The following PSD3 variants were observed in gnomAD, a reference collection of about 807,000 sequenced individuals.
PSD3 encodes the protein pleckstrin and Sec7 domain containing 3.
In PSD3, 49 loss-of-function variants were observed where a neutral mutation model predicts 105.5. That is an observed-to-expected ratio of 0.46 (90% CI 0.37 to 0.59). The LOEUF (loss-of-function observed/expected upper bound fraction) is 0.59. Among genes scored for constraint, PSD3 ranks in the 20% least tolerant of loss-of-function variants. PSD3 has a pLI of 0.00. For missense variants in PSD3, 1,561 were observed against 1,263.8 expected, an observed-to-expected ratio of 1.24 and a Z score of -3.57; for synonymous variants, 557 against 457.8, an observed-to-expected ratio of 1.22 and a Z score of -2.77.
chr8:18,544,174 A>AAAAAAAAAAAAAAAAAAAAAAC (rs1800316640), intron 15 of PSD3, among the ~76,000 whole-genome samples: 1 of 22,750 alleles, frequency 4.4e-5, no homozygotes, highest in African/African-American at 9.0e-5. Context: ...AACAAACCAA[A>AAAAAAAAAAAAAAAAAAAAAAC]AAAAAAAAAA....
chr8:18,818,432 C>T (rs1404348213), intron 4 of PSD3, among the ~76,000 whole-genome samples: 2 of 151,970 alleles, frequency 1.3e-5, no homozygotes, highest in Non-Finnish European at 2.9e-5. Context: ...ACCAAACTAC[C>T]TGTAAGGCGA....
intron 2 of PSD3, among the ~76,000 whole-genome samples, chr8:18,878,289 C>T (rs1450848693): frequency 6.6e-6 from 1 of 152,082 alleles, no homozygotes; most frequent in Non-Finnish European, 1.5e-5. Flanking sequence ...ATCTTATATC[C>T]TACAACCTTG....
chr8:18,563,240 T>C (rs1671758185), intron 14 of PSD3, among the ~76,000 whole-genome samples: 1 of 152,158 alleles, frequency 6.6e-6, no homozygotes, highest in Non-Finnish European at 1.5e-5. Flanking sequence ...CTCTCAGAAG[T>C]TGAGGGCCAA....
intron 4 of PSD3, among the ~76,000 whole-genome samples, chr8:18,812,370 T>C (rs577025838): frequency 2.4e-4 from 36 of 152,318 alleles, no homozygotes; most frequent in African/African-American, 8.7e-4. Context: ...TGGTTTTTAC[T>C]CCTAGTGAAA....
intron 9 of PSD3, among the ~76,000 whole-genome samples, chr8:18,712,727 T>G (rs1026587971): frequency 2.0e-5 from 3 of 152,160 alleles, no homozygotes; most frequent in African/African-American, 7.2e-5. Context: ...TAGTACCATT[T>G]CATGCGAAAC....
chr8:18,808,766 C>T, intron 4 of PSD3: 1 of 1,614,072 alleles, frequency 6.2e-7, no homozygotes. Flanking sequence ...AGCAACCATA[C>T]AGACACCAAG....
At chr8:18,762,806 C>A (rs1021125755) in intron 9 of PSD3, 2 of 627,342 alleles carry the variant, frequency 3.2e-6, no homozygotes, top group African/African-American at 3.9e-5. Flanking sequence ...CTTCTCATTT[C>A]TCACACATTT....
intron 1 of PSD3, among the ~76,000 whole-genome samples, chr8:19,051,110 T>C (rs1260802069): frequency 2.6e-4 from 39 of 152,148 alleles, no homozygotes; most frequent in Admixed American, 2.6e-3. Context: ...TCTGATCATG[T>C]CTCACCTCTG....
chr8:18,974,901 C>G (rs1586560878), intron 1 of PSD3, among the ~76,000 whole-genome samples: 1 of 151,362 alleles, frequency 6.6e-6, no homozygotes, highest in East Asian at 2.0e-4. Flanking sequence ...ACAAACAGGT[C>G]AAAGGGAAAA....
At chr8:18,961,111 A>C (rs1264408927) in intron 1 of PSD3, among the ~76,000 whole-genome samples, 1 of 151,806 alleles carries the variant, frequency 6.6e-6, no homozygotes, top group East Asian at 1.9e-4. Context: ...AAACAAACAA[A>C]AAGACTACTG....
At chr8:18,649,486 C>A (rs1023513365) in intron 10 of PSD3, among the ~76,000 whole-genome samples, 1 of 152,130 alleles carries the variant, frequency 6.6e-6, no homozygotes, top group Non-Finnish European at 1.5e-5. Flanking sequence ...ATCTTGGGAG[C>A]AACTAATTTG....
intron 9 of PSD3, among the ~76,000 whole-genome samples, chr8:18,669,654 G>A (rs1799669062): frequency 6.6e-6 from 1 of 152,132 alleles, no homozygotes; most frequent in Non-Finnish European, 1.5e-5. Flanking sequence ...GCACTACGCC[G>A]GATGGCATGA....
chr8:18,979,252 A>C (rs1432893837), intron 1 of PSD3, among the ~76,000 whole-genome samples: 10 of 152,006 alleles, frequency 6.6e-5, no homozygotes, highest in African/African-American at 2.2e-4. Context: ...AAGTATATCC[A>C]ACTAGACCCT....
chr8:18,741,722 C>T (rs1439245538), intron 9 of PSD3, among the ~76,000 whole-genome samples: 4 of 151,340 alleles, frequency 2.6e-5, no homozygotes, highest in Non-Finnish European at 1.5e-5. Context: ...ATGCCCTCTC[C>T]CACCTACTTT....
chr8:18,782,588 C>T (rs1051274242), intron 8 of PSD3, among the ~76,000 whole-genome samples: 4 of 152,164 alleles, frequency 2.6e-5, no homozygotes, highest in Admixed American at 6.5e-5. Flanking sequence ...TGCAGGATCT[C>T]GGTCAACACA....
At chr8:18,593,068 G>C (rs1055667114) in intron 12 of PSD3, among the ~76,000 whole-genome samples, 1 of 152,160 alleles carries the variant, frequency 6.6e-6, no homozygotes, top group South Asian at 2.1e-4. Context: ...CACGGGCAAG[G>C]ACTTCATGTC....
intron 2 of PSD3, among the ~76,000 whole-genome samples, chr8:18,914,017 G>A (rs1191675716): frequency 6.6e-6 from 1 of 151,966 alleles, no homozygotes; most frequent in Non-Finnish European, 1.5e-5. Context: ...AGTAAACCCA[G>A]GCTCCAGACT....
At chr8:18,964,464 C>CTT (rs34343222) in intron 1 of PSD3, among the ~76,000 whole-genome samples, 23 of 151,444 alleles carry the variant, frequency 1.5e-4, no homozygotes, top group Admixed American at 1.2e-3. Flanking sequence ...ACCTTAATGA[C>CTT]TTTTTTTTGC....
chr8:18,864,997 C>T (rs1816714959), intron 4 of PSD3: 1 of 151,556 alleles, frequency 6.6e-6, no homozygotes, highest in Non-Finnish European at 1.5e-5. Context: ...ACATTTAGAA[C>T]TTAGTTTCTT....
Sources: gnomAD v4.1 joint callset for allele counts (sites outside exome capture counted in the v4.1 genomes callset) on GRCh38, gnomAD v4.1.1 for gene constraint, MANE v1.5 for transcripts, NCBI Gene and HGNC (gene_info 2026-07-23, HGNC 2026-07-21) for gene names.